The following MYT1L variants were observed in gnomAD, a reference collection of about 807,000 sequenced individuals.
The protein encoded by MYT1L is myelin transcription factor 1 like.
In MYT1L, 12 loss-of-function variants were observed where a neutral mutation model predicts 126.7. That is an observed-to-expected ratio of 0.09 (90% confidence interval 0.06 to 0.15). MYT1L has a LOEUF of 0.15. MYT1L is among the 10% of genes least tolerant of loss of function. The probability of loss-of-function intolerance (pLI) is 1.00; values close to 1 mark genes in which losing one functional copy is unlikely to be tolerated. For missense variants in MYT1L, 979 were observed against 1,585.2 expected, an observed-to-expected ratio of 0.62 and a Z score of 6.49; for synonymous variants, 541 against 604.2, an observed-to-expected ratio of 0.90 and a Z score of 1.53.
chr2:2,233,361 T>A (rs2094205805), intron 2 of MYT1L, among the ~76,000 whole-genome samples: 1 of 152,074 alleles, frequency 6.6e-6, no homozygotes, highest in African/African-American at 2.4e-5. Flanking sequence ...CCACGTCTCA[T>A]CTCAGTCCTG....
chr2:1,943,793 G>A lies in MYT1L; in HGVS notation c.153-459C>T, dbSNP rs756490790. Among the ~76,000 whole-genome samples, 12 of 152,088 alleles carry A rather than the reference G, an allele frequency of 7.9e-5. No homozygotes were observed. The highest frequency in any genetic ancestry group is 1.2e-4 in the African/African-American group (5 of 41,490). ...TGTAAAATATAAAAATGTCTATGTC[G>A]TGAAAGAGCTTTGGATATATTTGGA... On this transcript the variant is annotated intron_variant, in intron 8 of 24. Transcript: ENST00000647738. This position sits in a 1 kb window ranked among gnomAD's most constrained non-coding sequence, Gnocchi z 4.4.
chr2:2,099,031 C>T (rs542522890), intron 3 of MYT1L, among the ~76,000 whole-genome samples: 37 of 152,292 alleles, frequency 2.4e-4, no homozygotes, highest in African/African-American at 8.4e-4. Flanking sequence ...GCACAAGCAC[C>T]GCTAGGCAGC....
At chr2:2,278,112 C>G (rs2095393319) in intron 2 of MYT1L, among the ~76,000 whole-genome samples, 1 of 152,128 alleles carries the variant, frequency 6.6e-6, no homozygotes, top group Non-Finnish European at 1.5e-5. Flanking sequence ...AAAATAAAAG[C>G]TTTTACTTTT....
At chr2:2,301,504 T>C (rs1253695726) in intron 1 of MYT1L, among the ~76,000 whole-genome samples, 1 of 152,124 alleles carries the variant, frequency 6.6e-6, no homozygotes, top group African/African-American at 2.4e-5. Context: ...GATTGGTCAA[T>C]ATAGCCATTC....
At chr2:2,066,436 C>T (rs908477790) in intron 3 of MYT1L, among the ~76,000 whole-genome samples, 1 of 152,216 alleles carries the variant, frequency 6.6e-6, no homozygotes, top group African/African-American at 2.4e-5. Flanking sequence ...CTCGCTTGGC[C>T]TTTGTGAACC....
Position 1,922,224 on chromosome 2 carries a change from C to T in MYT1L, c.1483+62G>A, listed in dbSNP as rs1360263319. On this transcript the variant is annotated intron_variant, in intron 10 of 24. Transcript: ENST00000647738. The surrounding 1 kb of genome is among the most constrained non-coding windows in gnomAD (Gnocchi z 7.4). ...GTCACACTTTAACTGTAGACTACCA[C>T]CAACATCCTTTACCCTAGCTCATGT... The T allele has an allele frequency of 6.4e-7, 1 of 1,571,462 alleles. No homozygotes were observed.
Position 1,979,942 on chromosome 2 carries a change from A to C in MYT1L, c.1-165T>G, listed in dbSNP as rs1353969182. 6.6e-6 allele frequency among the ~76,000 whole-genome samples: 1 copy of C among 152,140 alleles called. No individual in the cohort carries two copies. Among genetic ancestry groups the C allele is most frequent in the Non-Finnish European group, 1.5e-5 (1 of 68,028 alleles). ...GCAGGGGGTAAGACCAGGCAATCTA[A>C]ATGTATTACTCAAACAATTATAAAC... On this transcript the variant is annotated intron_variant, in intron 5 of 24. Coordinates refer to ENST00000647738, the MANE Select transcript of MYT1L (RefSeq NM_001303052.2). This position sits in a 1 kb window ranked among gnomAD's most constrained non-coding sequence, Gnocchi z 4.0.
chr2:2,185,908 G>A (rs1380423890), intron 2 of MYT1L, among the ~76,000 whole-genome samples: 2 of 120,250 alleles, frequency 1.7e-5, no homozygotes, highest in Non-Finnish European at 3.3e-5. Flanking sequence ...GGCCTTCCGG[G>A]CCTTCCCAAG....
intron 18 of MYT1L, among the ~76,000 whole-genome samples, chr2:1,866,768 G>A (rs1170908363): frequency 7.9e-5 from 4 of 50,632 alleles, no homozygotes; most frequent in Non-Finnish European, 1.4e-4. Context: ...GGGGAGAGAG[G>A]CAGAGAGAGA....
chr2:2,152,940 G>A (rs1315896628), intron 3 of MYT1L, among the ~76,000 whole-genome samples: 1 of 152,120 alleles, frequency 6.6e-6, no homozygotes, highest in African/African-American at 2.4e-5. Context: ...ACTGAACAAG[G>A]GGAATAGATA....
At chr2:2,071,409 T>C (rs1466976646) in intron 3 of MYT1L, among the ~76,000 whole-genome samples, 1 of 152,184 alleles carries the variant, frequency 6.6e-6, no homozygotes. Context: ...GGAAACAAAA[T>C]GTGACTCTGT....
intron 21 of MYT1L, among the ~76,000 whole-genome samples, chr2:1,822,457 C>G (rs1309470728): frequency 6.6e-6 from 1 of 152,204 alleles, no homozygotes; most frequent in Non-Finnish European, 1.5e-5. Context: ...CTGGAGAGCG[C>G]AGGGTGTGTC....
chr2:2,077,629 T>C (rs1353756253), intron 3 of MYT1L, among the ~76,000 whole-genome samples: 1 of 152,174 alleles, frequency 6.6e-6, no homozygotes, highest in Non-Finnish European at 1.5e-5. Context: ...TCAATAAAAT[T>C]ACTACTTGAC....
At chr2:2,229,004 A>G (rs970641366) in intron 2 of MYT1L, among the ~76,000 whole-genome samples, 12 of 152,190 alleles carry the variant, frequency 7.9e-5, no homozygotes, top group Admixed American at 5.2e-4. Context: ...CCGATTTCTC[A>G]GCAGCAAACA....
intron 18 of MYT1L, among the ~76,000 whole-genome samples, chr2:1,873,071 T>C (rs764744617): frequency 2.6e-5 from 4 of 152,174 alleles, no homozygotes; most frequent in East Asian, 1.9e-4. Flanking sequence ...AGAGGGGCCA[T>C]AGAAATCACA....
At chr2:1,968,938 G>A (rs1207791148) in intron 8 of MYT1L, among the ~76,000 whole-genome samples, 1 of 152,148 alleles carries the variant, frequency 6.6e-6, no homozygotes, top group Admixed American at 6.5e-5. Flanking sequence ...GGCCCCCTAG[G>A]TGCTTCTGGG....
At chr2:2,007,044 G>GATATATAT (rs113385392) in intron 4 of MYT1L, among the ~76,000 whole-genome samples, 10 of 146,906 alleles carry the variant, frequency 6.8e-5, no homozygotes, top group African/African-American at 2.5e-4. Flanking sequence ...TTTCATTGAA[G>GATATATAT]ATATATATAT....
intron 3 of MYT1L, among the ~76,000 whole-genome samples, chr2:2,088,448 C>T (rs998898614): frequency 6.6e-6 from 1 of 152,108 alleles, no homozygotes; most frequent in African/African-American, 2.4e-5. Flanking sequence ...ACCCTAAACT[C>T]ACAGTAGGCT....
chr2:2,266,270 C>T (rs958977891), intron 2 of MYT1L, among the ~76,000 whole-genome samples: 1 of 152,192 alleles, frequency 6.6e-6, no homozygotes, highest in African/African-American at 2.4e-5. Flanking sequence ...ACTGCCCCTG[C>T]CTTTCCCAAA....
Sources: allele counts gnomAD v4.1 joint callset (sites outside exome capture counted in the v4.1 genomes callset), GRCh38; gene constraint gnomAD v4.1.1; non-coding constraint Gnocchi (gnomAD v3.1); transcripts MANE v1.5; gene names NCBI Gene and HGNC (gene_info 2026-07-23, HGNC 2026-07-21).